The following CRPPA variants were observed in gnomAD, a reference collection of about 807,000 sequenced individuals.
CRPPA encodes D-ribitol-5-phosphate cytidylyltransferase.
CRPPA carries 43 observed loss-of-function variants against 52.0 expected under a neutral mutation model. That is an observed-to-expected ratio of 0.83 (90% confidence interval 0.65 to 1.07). The LOEUF (loss-of-function observed/expected upper bound fraction) is 1.07, where lower values mean the gene tolerates loss of function less well. CRPPA is among the 50% of genes least tolerant of loss of function. CRPPA has a pLI of 0.00. For synonymous variants in CRPPA, 250 were observed against 203.5 expected, an observed-to-expected ratio of 1.23 and a Z score of -1.94; for missense variants, 629 against 551.7, an observed-to-expected ratio of 1.14 and a Z score of -1.40.
At chr7:16,211,816 A>C (rs571881632) in intron 9 of CRPPA, among the ~76,000 whole-genome samples, 1 of 152,200 alleles carries the variant, frequency 6.6e-6, no homozygotes, top group Non-Finnish European at 1.5e-5. Context: ...GGAGTTTCAC[A>C]ATCAAGAATG....
chr7:16,169,053 A>G (rs1364843753), intron 9 of CRPPA, among the ~76,000 whole-genome samples: 3 of 152,172 alleles, frequency 2.0e-5, no homozygotes, highest in Non-Finnish European at 4.4e-5. Context: ...CTGAAATCCA[A>G]CTGTAAGAAA....
intron 6 of CRPPA, among the ~76,000 whole-genome samples, chr7:16,260,891 A>G (rs1783776894): frequency 6.6e-6 from 1 of 152,110 alleles, no homozygotes; most frequent in African/African-American, 2.4e-5. Context: ...CAAATGTTTA[A>G]TAATTTTAAA....
intron 6 of CRPPA, among the ~76,000 whole-genome samples, chr7:16,271,494 C>A (rs1465252426): frequency 6.6e-6 from 1 of 152,102 alleles, no homozygotes; most frequent in Non-Finnish European, 1.5e-5. Flanking sequence ...ACATAAAAAG[C>A]CTACAAGGCT....
At chr7:16,144,137 T>G (rs919526967) in intron 9 of CRPPA, among the ~76,000 whole-genome samples, 2 of 152,134 alleles carry the variant, frequency 1.3e-5, no homozygotes, top group Admixed American at 6.5e-5. Context: ...CCACAGACCT[T>G]GATACCAGCT....
chr7:16,389,920 AAAAAAAAAATATATATATATATAT>A lies in CRPPA; in HGVS notation c.535-13703_535-13680del. Among the ~76,000 whole-genome samples, 2 of 65,030 alleles carry A rather than the reference AAAAAAAAAATATATATATATATAT, an allele frequency of 3.1e-5. 1 individual carries two copies. The allele number at this position is 65,030 out of a possible 152,430, so 42.7% of individuals were successfully genotyped here. The stretch of plus-strand genomic sequence containing the variant: ...GAGAACAAGCCTAGTATACAAAAAA[AAAAAAAAAATATATATATATATAT>A]ATATATATATATATCAGTTTACTGC... On this transcript the variant is annotated intron_variant, in intron 2 of 9. Coordinates refer to ENST00000407010, the MANE Select transcript of CRPPA (RefSeq NM_001101426.4).
intron 9 of CRPPA, among the ~76,000 whole-genome samples, chr7:16,168,440 A>G (rs1343977184): frequency 6.6e-6 from 1 of 152,080 alleles, no homozygotes; most frequent in Admixed American, 6.5e-5. Context: ...TTAAATTTAT[A>G]GTCCATATTT....
At chr7:16,320,637 GT>G (rs1785243313) in intron 3 of CRPPA, among the ~76,000 whole-genome samples, 1 of 152,022 alleles carries the variant, frequency 6.6e-6, no homozygotes, top group African/African-American at 2.4e-5. Flanking sequence ...GCATGCACAG[GT>G]TTCTCACTCT....
chr7:16,328,066 T>C (rs569279754), intron 3 of CRPPA, among the ~76,000 whole-genome samples: 4 of 152,360 alleles, frequency 2.6e-5, no homozygotes, highest in Admixed American at 1.3e-4. Context: ...GCTTTTAAAA[T>C]CTACATATGT....
At chr7:16,113,262 A>G (rs540963105) in intron 9 of CRPPA, among the ~76,000 whole-genome samples, 2 of 152,196 alleles carry the variant, frequency 1.3e-5, no homozygotes, top group South Asian at 2.1e-4. Flanking sequence ...AGAAATAATT[A>G]AGGAAATTAC....
intron 9 of CRPPA, among the ~76,000 whole-genome samples, chr7:16,180,016 T>C (rs894122236): frequency 6.6e-6 from 1 of 152,154 alleles, no homozygotes; most frequent in Non-Finnish European, 1.5e-5. Flanking sequence ...AAAGGTTTTT[T>C]CCTAATTTGC....
rs576428076 is a variant in CRPPA at position 16,409,907 on chromosome 7, A to G, written c.258-3570T>C. Reference sequence around the variant, plus strand: ...CTGTTTTGTCCATTGCCTTACACCTAACTCTTAGTGGGTGCTCAGTACATT... The same window carrying G: ...CTGTTTTGTCCATTGCCTTACACCTGACTCTTAGTGGGTGCTCAGTACATT... On this transcript the variant is annotated intron_variant, in intron 1 of 9. Transcript: ENST00000407010. Among the ~76,000 whole-genome samples the G allele has an allele frequency of 6.6e-5, 10 of 152,286 alleles. No individual in the cohort carries two copies. In the South Asian group the frequency reaches 8.3e-4, roughly 13 times the overall value.
intron 9 of CRPPA, among the ~76,000 whole-genome samples, chr7:16,176,575 A>G (rs1412336924): frequency 6.6e-6 from 1 of 152,150 alleles, no homozygotes; most frequent in Non-Finnish European, 1.5e-5. Flanking sequence ...GCATAATGCA[A>G]AATAGTAAAA....
intron 3 of CRPPA, among the ~76,000 whole-genome samples, chr7:16,360,704 G>A (rs908550473): frequency 1.3e-5 from 2 of 152,086 alleles, no homozygotes; most frequent in African/African-American, 2.4e-5. Flanking sequence ...CTCTTACATC[G>A]TGACATATAC....
At chr7:16,160,337 C>T (rs956367816) in intron 9 of CRPPA, among the ~76,000 whole-genome samples, 2 of 152,080 alleles carry the variant, frequency 1.3e-5, no homozygotes, top group Non-Finnish European at 1.5e-5. Flanking sequence ...TTTCAGTTAA[C>T]TTTTGAATAA....
At chr7:16,286,033 AAAAAAATATAAATAT>A (rs1562608244) in intron 5 of CRPPA, among the ~76,000 whole-genome samples, 5 of 21,968 alleles carry the variant, frequency 2.3e-4, no homozygotes, top group Admixed American at 5.2e-4. Flanking sequence ...AAAAAAAAAA[AAAAAAATATAAATAT>A]ATATATATAT....
chr7:16,185,840 C>T (rs1172335306), intron 9 of CRPPA, among the ~76,000 whole-genome samples: 6 of 152,074 alleles, frequency 3.9e-5, no homozygotes. Context: ...TAGTGACTTA[C>T]CTATGATAGA....
intron 2 of CRPPA, among the ~76,000 whole-genome samples, chr7:16,392,226 T>C (rs1283153637): frequency 6.6e-6 from 1 of 152,112 alleles, no homozygotes; most frequent in East Asian, 1.9e-4. Context: ...AACAATTCAC[T>C]CTAAGTTCTC....
intron 3 of CRPPA, among the ~76,000 whole-genome samples, chr7:16,363,083 T>C (rs1157660225): frequency 1.3e-5 from 2 of 152,134 alleles, no homozygotes; most frequent in Admixed American, 6.5e-5. Context: ...ATTATGGAAA[T>C]TGAAATGTTA....
intron 9 of CRPPA, among the ~76,000 whole-genome samples, chr7:16,193,697 T>C (rs537374612): frequency 6.6e-6 from 1 of 152,226 alleles, no homozygotes; most frequent in East Asian, 1.9e-4. Flanking sequence ...TGTGTACATA[T>C]AGGTATGTAT....
Sources: allele counts gnomAD v4.1 joint callset (sites outside exome capture counted in the v4.1 genomes callset), GRCh38; gene constraint gnomAD v4.1.1; transcripts MANE v1.5; gene names NCBI Gene and HGNC (gene_info 2026-07-23, HGNC 2026-07-21).